The following NALCN variants were observed in gnomAD, a reference collection of about 807,000 sequenced individuals.
NALCN encodes the protein sodium leak channel NALCN.
In NALCN, 111 loss-of-function variants were observed where a neutral mutation model predicts 225.3. The observed-to-expected ratio is 0.49, with a 90% CI of 0.42 to 0.58. The LOEUF (loss-of-function observed/expected upper bound fraction) is 0.58, where lower values mean the gene tolerates loss of function less well. Ranked by LOEUF, NALCN falls within the 20% of genes least tolerant of loss-of-function variation. NALCN has a pLI of 0.00. For synonymous variants in NALCN, 764 were observed against 769.0 expected (o/e 0.99, Z 0.11); for missense variants, 1,378 against 2,202.4 (o/e 0.63, Z 7.49).
intron 1 of NALCN, among the ~76,000 whole-genome samples, chr13:101,400,880 G>A (rs2047457890): frequency 6.6e-6 from 1 of 152,106 alleles, no homozygotes; most frequent in African/African-American, 2.4e-5. Flanking sequence ...GATAGGGAGT[G>A]AGTTCTCACA....
At chr13:101,150,778 A>C (rs1056534672) in intron 15 of NALCN, among the ~76,000 whole-genome samples, 2 of 152,074 alleles carry the variant, frequency 1.3e-5, no homozygotes, top group African/African-American at 4.8e-5. Flanking sequence ...TAAGATCATT[A>C]TACTATACCA....
chr13:101,410,442 T>G (rs1378874540), intron 1 of NALCN, among the ~76,000 whole-genome samples: 1 of 152,230 alleles, frequency 6.6e-6, no homozygotes, highest in Non-Finnish European at 1.5e-5. Flanking sequence ...GACAAAAATT[T>G]TGATTTATAA....
chr13:101,376,689 G>C lies in NALCN; in HGVS notation c.644+11C>G, dbSNP rs955493392. The C allele has an allele frequency of 6.3e-7, 1 of 1,587,822 alleles. No individual in the cohort carries two copies. The highest frequency in any genetic ancestry group is 8.5e-7 in the Non-Finnish European group (1 of 1,172,884). On this transcript the variant is annotated intron_variant, in intron 6 of 43. Coordinates refer to ENST00000251127, the MANE Select transcript of NALCN (RefSeq NM_052867.4). ...CAACTAGATTAAAATGCAGTTAATAGATAAACTTACCCTGGCTTTGTGTCA... is the reference window on the plus strand; with the variant it reads ...CAACTAGATTAAAATGCAGTTAATACATAAACTTACCCTGGCTTTGTGTCA...
intron 10 of NALCN, among the ~76,000 whole-genome samples, chr13:101,276,402 G>A (rs1210227979): frequency 6.6e-6 from 1 of 152,098 alleles, no homozygotes; most frequent in Non-Finnish European, 1.5e-5. Flanking sequence ...TTTAACAAGT[G>A]GCGTTAAAGA....
At chr13:101,358,265 T>C (rs1406147406) in intron 6 of NALCN, among the ~76,000 whole-genome samples, 1 of 151,934 alleles carries the variant, frequency 6.6e-6, no homozygotes, top group East Asian at 1.9e-4. Context: ...ACCTACAGAA[T>C]AGAATAGGAG....
At chr13:101,312,916 ACCT>A (rs1362938491) in intron 7 of NALCN, among the ~76,000 whole-genome samples, 1 of 152,220 alleles carries the variant, frequency 6.6e-6, no homozygotes. Context: ...GCATCAAGCT[ACCT>A]GACTTCAAAC....
chr13:101,389,542 T>C (rs932869104), intron 3 of NALCN, among the ~76,000 whole-genome samples: 1 of 152,048 alleles, frequency 6.6e-6, no homozygotes, highest in African/African-American at 2.4e-5. Flanking sequence ...GTAAGAAATA[T>C]TCGATAATTG....
chr13:101,407,968 C>T (rs1354459413), intron 1 of NALCN, among the ~76,000 whole-genome samples: 2 of 152,158 alleles, frequency 1.3e-5, no homozygotes, highest in Non-Finnish European at 2.9e-5. Flanking sequence ...TCTCACCATG[C>T]CTCAATGAGG....
Position 101,241,826 on chromosome 13 carries a change from T to C in NALCN, c.1267-3904A>G, listed in dbSNP as rs1176862397. Among the ~76,000 whole-genome samples the C allele has an allele frequency of 5.5e-5, 2 of 36,272 alleles. 1 individual carries two copies. The highest frequency in any genetic ancestry group is 1.4e-4 in the Non-Finnish European group (2 of 14,752). 23.8% of individuals were successfully genotyped at this position (36,272 alleles called of 152,430 possible). Reference sequence around the variant, plus strand: ...CCCTCTGAGGGATGGGATTTTTCCTTCCTGATGTTATGTGGGGCCTCTCTT... The same window carrying C: ...CCCTCTGAGGGATGGGATTTTTCCTCCCTGATGTTATGTGGGGCCTCTCTT... On this transcript the variant is annotated intron_variant, in intron 11 of 43. Coordinates refer to ENST00000251127, the MANE Select transcript of NALCN (RefSeq NM_052867.4).
At chr13:101,157,696 A>AC (rs1432621050) in intron 15 of NALCN, among the ~76,000 whole-genome samples, 3 of 150,542 alleles carry the variant, frequency 2.0e-5, no homozygotes, top group African/African-American at 7.4e-5. Flanking sequence ...CTTCTTCCTC[A>AC]CCCCATTACA....
Position 101,061,974 on chromosome 13 carries a change from G to C in NALCN, c.4749C>G (p.Ile1583Met), listed in dbSNP as rs200606017. The change falls in exon 41 of 44, where the codon ATC becomes ATG. Residue 1583 changes from isoleucine (I) to methionine (M), a missense_variant. By Grantham distance (10) the Ile-to-Met change is conservative (BLOSUM62 1). Coordinates refer to ENST00000251127, the MANE Select transcript of NALCN (RefSeq NM_052867.4). ...RMWLKKCLKR[I>M]RAKQQQSCSI... ...ATGTGTGCAGTTCACTCACAGCTCT[G>C]ATGCGCTTCAGGCACTTCTTGAGCC... The C allele has an allele frequency of 1.5e-5, 25 of 1,613,682 alleles. No individual in the cohort carries two copies. Among genetic ancestry groups the C allele is most frequent in the Admixed American group, 1.5e-4 (9 of 59,996 alleles).
intron 14 of NALCN, chr13:101,181,140 C>T (rs983653648): frequency 1.9e-6 from 1 of 518,832 alleles, no homozygotes; most frequent in Non-Finnish European, 3.8e-6. Flanking sequence ...GGATGCTCTC[C>T]CAAGCCACGC....
At chr13:101,072,885 C>T (rs977123056) in intron 37 of NALCN, among the ~76,000 whole-genome samples, 1 of 152,188 alleles carries the variant, frequency 6.6e-6, no homozygotes, top group Non-Finnish European at 1.5e-5. Flanking sequence ...TGGCTAGTGG[C>T]TCCCGAATTG....
chr13:101,197,183 T>C (rs545656644), intron 13 of NALCN, among the ~76,000 whole-genome samples: 75 of 152,280 alleles, frequency 4.9e-4, no homozygotes, highest in Non-Finnish European at 8.7e-4. Flanking sequence ...ATTGGGGAAT[T>C]TGAGTATACG....
intron 17 of NALCN, among the ~76,000 whole-genome samples, chr13:101,128,367 A>C (rs1185395469): frequency 2.0e-5 from 3 of 152,208 alleles, no homozygotes; most frequent in Non-Finnish European, 4.4e-5. Flanking sequence ...TTTAACACAT[A>C]ATTCAAAAGC....
intron 20 of NALCN, 99 bp from the exon 21 acceptor site, chr13:101,107,888 T>C: frequency 1.5e-6 from 1 of 659,604 alleles, no homozygotes; most frequent in South Asian, 3.1e-5. Flanking sequence ...TCCCTCAATA[T>C]AAAGTATAAA....
chr13:101,248,436 T>C (rs1033027910), intron 11 of NALCN, among the ~76,000 whole-genome samples: 8 of 152,202 alleles, frequency 5.3e-5, no homozygotes, highest in African/African-American at 1.7e-4. Flanking sequence ...CTCTACATCC[T>C]TGGAATTTGC....
intron 18 of NALCN, among the ~76,000 whole-genome samples, chr13:101,124,369 A>C (rs542250832): frequency 3.6e-4 from 55 of 152,280 alleles, no homozygotes; most frequent in African/African-American, 1.3e-3. Flanking sequence ...CAATGTTTAT[A>C]CTTATCATTT....
chr13:101,224,820 C>T (rs1305607445), intron 13 of NALCN, among the ~76,000 whole-genome samples: 4 of 152,148 alleles, frequency 2.6e-5, no homozygotes. Flanking sequence ...TACACACACC[C>T]CCCTTTTACA....
Sources: allele counts gnomAD v4.1 joint callset (sites outside exome capture counted in the v4.1 genomes callset), GRCh38; gene constraint gnomAD v4.1.1; transcripts MANE v1.5; gene names NCBI Gene and HGNC (gene_info 2026-07-23, HGNC 2026-07-21).